CALN1: variants seen among roughly 807,000 people sequenced by gnomAD.
CALN1 encodes calcium-binding protein 8.
A neutral mutation model predicts 30.6 loss-of-function variants in CALN1; 17 were observed. The observed-to-expected ratio is 0.56, with a 90% CI of 0.38 to 0.83. CALN1 has a LOEUF of 0.83. Among genes scored for constraint, CALN1 ranks in the 40% least tolerant of loss-of-function variants. The pLI, the probability that CALN1 is intolerant of heterozygous loss-of-function variation, is 0.00. For synonymous variants in CALN1, 156 were observed against 131.4 expected (o/e 1.19, Z -1.28); for missense variants, 291 against 354.9 (o/e 0.82, Z 1.45).
At chr7:72,000,287 G>A (rs1799461842) in intron 5 of CALN1, among the ~76,000 whole-genome samples, 1 of 151,956 alleles carries the variant, frequency 6.6e-6, no homozygotes, top group Admixed American at 6.6e-5. Flanking sequence ...TCTAGCAACA[G>A]TGACAGAAAA....
intron 6 of CALN1, among the ~76,000 whole-genome samples, chr7:71,805,217 C>G (rs1176806526): frequency 6.6e-6 from 1 of 152,158 alleles, no homozygotes; most frequent in Admixed American, 6.5e-5. Context: ...CAGATGGGCT[C>G]TTCCACCTTC....
At chr7:72,342,030 T>C (rs1341521958) in intron 2 of CALN1, among the ~76,000 whole-genome samples, 6 of 151,920 alleles carry the variant, frequency 3.9e-5, no homozygotes, top group Admixed American at 6.6e-5. Context: ...GGTGGGAGGA[T>C]TACTGGAGGT....
intron 3 of CALN1, among the ~76,000 whole-genome samples, chr7:72,255,725 T>A (rs1430050410): frequency 7.7e-6 from 1 of 130,076 alleles, no homozygotes; most frequent in Non-Finnish European, 1.6e-5. Flanking sequence ...ATAGCTCACT[T>A]AAATAATTTT....
At chr7:72,220,286 G>T (rs1793185517) in intron 3 of CALN1, among the ~76,000 whole-genome samples, 1 of 148,196 alleles carries the variant, frequency 6.7e-6, no homozygotes, top group Non-Finnish European at 1.5e-5. Flanking sequence ...GTGAGAACAT[G>T]TGGTGTTTGG....
intron 1 of CALN1, among the ~76,000 whole-genome samples, chr7:72,418,501 C>T (rs373174918): frequency 2.2e-4 from 33 of 152,300 alleles, no homozygotes; most frequent in Middle Eastern, 3.4e-3. Context: ...CCCAGGGTGA[C>T]TGTCGCACTG....
chr7:71,793,158 T>C (rs1161634909), intron 6 of CALN1, among the ~76,000 whole-genome samples: 1 of 151,832 alleles, frequency 6.6e-6, no homozygotes, highest in African/African-American at 2.4e-5. Context: ...CACAAAAAAT[T>C]TGCTGGGCAT....
At chr7:72,487,894 G>T in the CALN1 span, among the ~76,000 whole-genome samples, 3 of 55,724 alleles carry the variant, frequency 5.4e-5, no homozygotes, top group Non-Finnish European at 1.0e-4. Flanking sequence ...GAAAAGAAAA[G>T]AAAGAAAGAA....
At chr7:72,198,773 TG>T (rs1490199735) in intron 3 of CALN1, among the ~76,000 whole-genome samples, 1 of 152,188 alleles carries the variant, frequency 6.6e-6, no homozygotes, top group Non-Finnish European at 1.5e-5. Flanking sequence ...TGATCAATAC[TG>T]AAAGGCAGAT....
intron 3 of CALN1, among the ~76,000 whole-genome samples, chr7:72,269,439 A>G (rs1796827998): frequency 6.6e-6 from 1 of 151,770 alleles, no homozygotes; most frequent in African/African-American, 2.4e-5. Context: ...ATTCCCACCT[A>G]TGAGTGAGAA....
chr7:71,997,609 A>G (rs182501519), intron 5 of CALN1, among the ~76,000 whole-genome samples: 179 of 152,310 alleles, frequency 1.2e-3, no homozygotes, highest in African/African-American at 3.9e-3. Flanking sequence ...AAATAAGCCT[A>G]TGCAAAAACA....
At chr7:72,073,884 G>A (rs1011231584) in intron 4 of CALN1, among the ~76,000 whole-genome samples, 1 of 152,084 alleles carries the variant, frequency 6.6e-6, no homozygotes, top group Admixed American at 6.6e-5. Context: ...TTCTAGAAAT[G>A]AGGTCTTACC....
At chr7:72,472,602 C>T in the CALN1 span, among the ~76,000 whole-genome samples, 72 of 146,420 alleles carry the variant, frequency 4.9e-4, no homozygotes, top group East Asian at 1.4e-3. Flanking sequence ...GTGACCAACA[C>T]GGTGAACCCG....
intron 2 of CALN1, among the ~76,000 whole-genome samples, chr7:72,287,508 G>A (rs930111418): frequency 1.1e-4 from 15 of 130,744 alleles, no homozygotes; most frequent in East Asian, 9.7e-4. Context: ...GTGCAGTGGC[G>A]CAATCTTGGC....
At chr7:72,341,304 C>G (rs1802371377) in intron 2 of CALN1, among the ~76,000 whole-genome samples, 1 of 152,200 alleles carries the variant, frequency 6.6e-6, no homozygotes, top group South Asian at 2.1e-4. Context: ...GGGTGGATCA[C>G]TTGAGGTCAG....
chr7:71,820,453 T>C (rs1788523875), intron 5 of CALN1, among the ~76,000 whole-genome samples: 3 of 152,234 alleles, frequency 2.0e-5, no homozygotes, highest in Admixed American at 2.0e-4. Flanking sequence ...TGGTCATTTG[T>C]ATTTGGCTCA....
intron 3 of CALN1, among the ~76,000 whole-genome samples, chr7:72,197,359 G>T (rs6978130): frequency 2.0e-5 from 3 of 151,374 alleles, no homozygotes; most frequent in Non-Finnish European, 4.4e-5. Context: ...ACACCACCAC[G>T]CATGGCTAAT....
intron 5 of CALN1, among the ~76,000 whole-genome samples, chr7:72,008,353 C>CAT (rs1799887188): frequency 6.7e-6 from 1 of 148,852 alleles, no homozygotes; most frequent in Admixed American, 6.6e-5. Context: ...GATCACAATA[C>CAT]ATATAAAAAT....
intron 5 of CALN1, among the ~76,000 whole-genome samples, chr7:71,845,186 A>G (rs1050808144): frequency 2.0e-5 from 3 of 152,094 alleles, no homozygotes; most frequent in African/African-American, 7.2e-5. Context: ...ACCTGGCAGA[A>G]TGTGTCTTAC....
At chr7:72,443,189 A>G (rs1808412626) in intron 1 of CALN1, among the ~76,000 whole-genome samples, 1 of 152,164 alleles carries the variant, frequency 6.6e-6, no homozygotes, top group South Asian at 2.1e-4. Context: ...CGTGCTATGT[A>G]CAATTTACCT....
Sources: gnomAD v4.1 joint callset for allele counts (sites outside exome capture counted in the v4.1 genomes callset) on GRCh38, gnomAD v4.1.1 for gene constraint, MANE v1.5 for transcripts, NCBI Gene and HGNC (gene_info 2026-07-23, HGNC 2026-07-21) for gene names.